Variants in CAST observed in about 807,000 individuals in gnomAD.
The protein encoded by CAST is calpastatin.
CAST carries 76 observed loss-of-function variants against 119.6 expected under a neutral mutation model. The observed-to-expected ratio is 0.64, with a 90% CI of 0.53 to 0.77. The LOEUF (loss-of-function observed/expected upper bound fraction) is 0.77, where lower values mean the gene tolerates loss of function less well. CAST is among the 30% of genes least tolerant of loss of function. CAST has a pLI of 0.00. For missense variants in CAST, 953 were observed against 946.5 expected, an observed-to-expected ratio of 1.01 and a Z score of -0.09; for synonymous variants, 319 against 331.6, an observed-to-expected ratio of 0.96 and a Z score of 0.41.
the CAST span, among the ~76,000 whole-genome samples, chr5:96,155,020 TTC>T: frequency 6.6e-6 from 1 of 152,232 alleles, no homozygotes; most frequent in African/African-American, 2.4e-5. Flanking sequence ...ATGTAAGTTA[TTC>T]CAAATTCTTC....
Position 96,754,135 on chromosome 5 carries a change from G to A in CAST, c.1600G>A (p.Gly534Arg), listed in dbSNP as rs1177165885. ...GAAAAAGGAAGCAGATCCAGAAGAT[G>A]GAAAACCTGTGATGGATAAAGTCAA... is the stretch of plus-strand genomic sequence containing the variant. Reference protein sequence around the residue: ...LGKKEADPEDGKPVMDKVKEK... With the variant: ...LGKKEADPEDRKPVMDKVKEK... The change falls in exon 21 of 32, where the codon GGA becomes AGA. Residue 534 changes from glycine (G) to arginine (R), a missense_variant. Gly to Arg is a moderately radical substitution (Grantham distance 125). Transcript: ENST00000675179. 1 of 1,612,330 alleles carries A rather than the reference G, an allele frequency of 6.2e-7. No homozygotes were observed. Among genetic ancestry groups the A allele is most frequent in the Admixed American group, 1.7e-5 (1 of 60,002 alleles).
At chr5:96,733,177 G>A (rs1208620129) in intron 9 of CAST, among the ~76,000 whole-genome samples, 1 of 152,100 alleles carries the variant, frequency 6.6e-6, no homozygotes, top group Non-Finnish European at 1.5e-5. Flanking sequence ...ACTTAAAATT[G>A]TTTTTTCTTG....
chr5:96,125,068 A>C, the CAST span, among the ~76,000 whole-genome samples: 1 of 152,210 alleles, frequency 6.6e-6, no homozygotes, highest in African/African-American at 2.4e-5. Flanking sequence ...ATCTTAACCC[A>C]CAAGAACAGT....
At chr5:96,434,414 AAGCTGTTT>A in the CAST span, among the ~76,000 whole-genome samples, 4 of 152,214 alleles carry the variant, frequency 2.6e-5, no homozygotes, top group Admixed American at 2.6e-4. Flanking sequence ...GGCCAGCACC[AAGCTGTTT>A]TCCTTTTGAT....
intron 29 of CAST, chr5:96,769,857 T>TTAC (rs1352304259): frequency 6.7e-6 from 1 of 149,548 alleles, no homozygotes; most frequent in African/African-American, 2.5e-5. Flanking sequence ...TTATATCATC[T>TTAC]AGTATAAGGT....
the CAST span, among the ~76,000 whole-genome samples, chr5:96,293,275 T>TTTTG: frequency 1.9e-4 from 29 of 152,106 alleles, no homozygotes; most frequent in Non-Finnish European, 2.2e-4. Context: ...GGTCTCTAGA[T>TTTTG]TTTGTTTGTT....
At chr5:96,716,629 C>T (rs1757235760) in intron 3 of CAST, among the ~76,000 whole-genome samples, 1 of 151,948 alleles carries the variant, frequency 6.6e-6, no homozygotes. Context: ...TTTTTTTCAC[C>T]CATGATTGCC....
At chr5:96,150,439 C>T in the CAST span, among the ~76,000 whole-genome samples, 1 of 152,124 alleles carries the variant, frequency 6.6e-6, no homozygotes. Flanking sequence ...AGCTGTGTAT[C>T]CCCCACTCTC....
At chr5:96,015,008 C>G in the CAST span, among the ~76,000 whole-genome samples, 1 of 151,980 alleles carries the variant, frequency 6.6e-6, no homozygotes, top group African/African-American at 2.4e-5. Flanking sequence ...CTCACCACAC[C>G]CTGTAAAGTA....
chr5:96,165,833 G>A, the CAST span, among the ~76,000 whole-genome samples: 119 of 152,236 alleles, frequency 7.8e-4, 4 homozygotes, highest in Admixed American at 7.0e-3. Flanking sequence ...CTTCTTTGCC[G>A]AACTAGAAAA....
At chr5:96,322,337 G>A in the CAST span, among the ~76,000 whole-genome samples, 1 of 152,098 alleles carries the variant, frequency 6.6e-6, no homozygotes, top group Non-Finnish European at 1.5e-5. Flanking sequence ...TGCCAGAGGT[G>A]AGGAAAGTGC....
chr5:96,145,822 C>T, the CAST span, among the ~76,000 whole-genome samples: 4 of 152,216 alleles, frequency 2.6e-5, no homozygotes, highest in Non-Finnish European at 5.9e-5. Context: ...TTCTGCTCCA[C>T]ATAAAGTCAT....
chr5:96,702,918 G>C (rs971361370), intron 3 of CAST: 3 of 985,462 alleles, frequency 3.0e-6, no homozygotes, highest in African/African-American at 1.7e-5. Context: ...CACGCAGAGT[G>C]AGTACTGTCT....
chr5:96,733,370 A>G (rs1760972667), intron 9 of CAST, among the ~76,000 whole-genome samples: 1 of 152,222 alleles, frequency 6.6e-6, no homozygotes, highest in Admixed American at 6.5e-5. Flanking sequence ...TTGGAAATGG[A>G]TAGATTTAAG....
chr5:96,618,688 C>T (rs71630743), intron 1 of CAST, among the ~76,000 whole-genome samples: 13 of 151,154 alleles, frequency 8.6e-5, no homozygotes, highest in Admixed American at 2.0e-4. Context: ...CCAGCAGTGC[C>T]GGCTCACTGA....
Position 96,726,840 on chromosome 5 carries a change from A to C in CAST, c.317A>C (p.Lys106Thr). 1 of 1,613,618 alleles carries C rather than the reference A, an allele frequency of 6.2e-7. No homozygotes were observed. Among genetic ancestry groups the C allele is most frequent in the Non-Finnish European group, 8.5e-7 (1 of 1,179,636 alleles). Reference sequence around the variant, plus strand: ...ATGGAAGGACCACATCTTCCTAACAAGAAAAAACACAAAAAACAGGTGATG... The same window carrying C: ...ATGGAAGGACCACATCTTCCTAACACGAAAAAACACAAAAAACAGGTGATG... Reference protein sequence around the residue: ...QQMEGPHLPNKKKHKKQAVKT... With the variant: ...QQMEGPHLPNTKKHKKQAVKT... Residue 106 changes from lysine (K) to threonine (T), a missense_variant, in exon 5 of 32, where the codon AAG (lysine) becomes ACG (threonine). Coordinates refer to ENST00000675179, the MANE Select transcript of CAST (RefSeq NM_001750.7).
the CAST span, among the ~76,000 whole-genome samples, chr5:96,389,004 G>T: frequency 8.0e-5 from 12 of 150,706 alleles, no homozygotes; most frequent in South Asian, 1.3e-3. Context: ...GACACAGAAA[G>T]AAAAATGCTG....
At chr5:96,212,065 T>C in the CAST span, among the ~76,000 whole-genome samples, 174 of 152,250 alleles carry the variant, frequency 1.1e-3, 2 homozygotes, top group East Asian at 0.032. Flanking sequence ...TAATTGATCT[T>C]CTCAAAGGGT....
intron 1 of CAST, among the ~76,000 whole-genome samples, chr5:96,536,031 GTT>G (rs533558053): frequency 0.47 from 48,631 of 102,852 alleles, 11,143 homozygotes; most frequent in East Asian, 0.77. Flanking sequence ...AATATTTAAG[GTT>G]TTTTTTTTTT....
Sources: gnomAD v4.1 joint callset for allele counts (sites outside exome capture counted in the v4.1 genomes callset) on GRCh38, gnomAD v4.1.1 for gene constraint, MANE v1.5 for transcripts, NCBI Gene and HGNC (gene_info 2026-07-23, HGNC 2026-07-21) for gene names.